The following ABCC11 variants were observed in gnomAD, a reference collection of about 807,000 sequenced individuals.
ABCC11 encodes ATP binding cassette subfamily C member 11.
Under a neutral mutation model 149.3 loss-of-function variants are expected in ABCC11, and 135 were observed. The ratio of observed to expected loss-of-function variants is 0.90; its 90% CI spans 0.79 to 1.04. The LOEUF (loss-of-function observed/expected upper bound fraction) is 1.04, where lower values mean the gene tolerates loss of function less well. ABCC11 is among the 50% of genes least tolerant of loss of function. The pLI is 0.00. For missense variants in ABCC11, 1,680 were observed against 1,722.1 expected, an observed-to-expected ratio of 0.98 and a Z score of 0.43; for synonymous variants, 665 against 671.4, an observed-to-expected ratio of 0.99 and a Z score of 0.15.
intron 11 of ABCC11, chr16:48,209,560 G>A: frequency 6.1e-6 from 1 of 162,652 alleles, no homozygotes; most frequent in Non-Finnish European, 1.3e-5. Context: ...AGCTCAGGCG[G>A]TGATGCTCAC....
At chr16:48,169,149 C>A (rs1965531415) in intron 28 of ABCC11, among the ~76,000 whole-genome samples, 1 of 152,126 alleles carries the variant, frequency 6.6e-6, no homozygotes, top group African/African-American at 2.4e-5. Context: ...GTACTGCATC[C>A]AAGTTTTTAA....
chr16:48,181,757 C>A (rs1421934058), intron 23 of ABCC11, among the ~76,000 whole-genome samples: 1 of 152,154 alleles, frequency 6.6e-6, no homozygotes, highest in Admixed American at 6.5e-5. Context: ...ACTATAGGCA[C>A]CTGCCACCAC....
At chr16:48,219,797 A>G (rs1969611193) in intron 6 of ABCC11, among the ~76,000 whole-genome samples, 1 of 152,158 alleles carries the variant, frequency 6.6e-6, no homozygotes, top group South Asian at 2.1e-4. Flanking sequence ...CCTGGCCAAC[A>G]TGGTGAAACC....
In ABCC11 at chr16:48,221,446, T is replaced by TA. The variant is rs879900375; in HGVS notation, c.777+1151dup. On this transcript the variant is annotated intron_variant, in intron 6 of 29. Coordinates refer to ENST00000356608, the MANE Select transcript of ABCC11 (RefSeq NM_001370497.1). ...GTCAATGGTTGTTTGTGTTATGCTG[T>TA]AAAAAAAAAAAAAGCAAGAGTAAGA... is the stretch of plus-strand genomic sequence containing the variant. Among the ~76,000 whole-genome samples, 476 of 138,194 alleles carry TA rather than the reference T, an allele frequency of 3.4e-3. 1 individual carries two copies. The highest frequency in any genetic ancestry group is 7.8e-3 in the African/African-American group (292 of 37,558). 90.7% of individuals were successfully genotyped at this position (138,194 alleles called of 152,430 possible). A position where few individuals can be genotyped will look rare whatever the true frequency, so the allele number is the denominator to read the frequency against.
At chr16:48,210,451 T>C (rs1238357849) in intron 11 of ABCC11, 3 of 155,978 alleles carry the variant, frequency 1.9e-5, no homozygotes, top group African/African-American at 7.2e-5. Flanking sequence ...CTATTCTATA[T>C]CAATTATTAT....
At chr16:48,228,049 G>C in intron 3 of ABCC11, 85 bp from the exon 4 acceptor site, 1 of 1,185,090 alleles carries the variant, frequency 8.4e-7, no homozygotes, top group Non-Finnish European at 1.1e-6. Flanking sequence ...AACACAACGA[G>C]GTTACCCAGA....
chr16:48,177,149 A>ATCAT (rs774915707), intron 24 of ABCC11, 36 bp from the exon 25 acceptor site: 3 of 1,593,050 alleles, frequency 1.9e-6, no homozygotes, highest in East Asian at 4.5e-5. Context: ...ATCAATAGTT[A>ATCAT]TCATCTATCT....
chr16:48,216,864 C>T (rs987516595), intron 6 of ABCC11, among the ~76,000 whole-genome samples: 2 of 152,166 alleles, frequency 1.3e-5, no homozygotes, highest in African/African-American at 4.8e-5. Flanking sequence ...TACTAATTCC[C>T]TGTGAATTTG....
intron 11 of ABCC11, chr16:48,209,446 T>G (rs1456094785): frequency 6.6e-6 from 1 of 152,238 alleles, no homozygotes; most frequent in East Asian, 1.9e-4. Context: ...TCAGGCAAGA[T>G]TCTCATAAGG....
In ABCC11 at chr16:48,167,756, C is replaced by G. The variant is rs1344224464; in HGVS notation, c.3892-96G>C. 6 of 1,346,568 alleles carry G rather than the reference C, an allele frequency of 4.5e-6. No individual in the cohort carries two copies. The East Asian group carries it at 1.4e-4, about 31-fold the overall frequency. The allele number at this position is 1,346,568 out of a possible 1,614,324, so 83.4% of individuals were successfully genotyped here. ...CCACTAATTCACCAGGGCCCTTCCT[C>G]TCCAGGTCTCCATTTCTTTAGCTGG... On this transcript the variant is annotated intron_variant, in intron 28 of 29. Transcript: ENST00000356608.
chr16:48,244,310 T>G (rs1971201958), intron 1 of ABCC11: 5 of 1,102,666 alleles, frequency 4.5e-6, no homozygotes, highest in South Asian at 1.7e-5. Flanking sequence ...GGGTCTGAGG[T>G]TTGGTGACTG....
chr16:48,192,771 C>T, intron 19 of ABCC11, 54 bp from the exon 20 acceptor site: 2 of 1,571,674 alleles, frequency 1.3e-6, no homozygotes, highest in Middle Eastern at 1.8e-4. Flanking sequence ...AATTCAGTGG[C>T]AGGGAAAGCC....
In ABCC11 at chr16:48,200,813, T is replaced by C. The variant is rs528131538; in HGVS notation, c.1879-334A>G. Among the ~76,000 whole-genome samples the C allele has an allele frequency of 2.6e-5, 4 of 152,318 alleles. No homozygotes were observed. In the East Asian group the frequency reaches 7.7e-4, roughly 29 times the overall value. ...CAAGTTAGATAGAAAGAATAAGTTC[T>C]AATGTTTGATAGCAGAATAGGATGA... is the stretch of plus-strand genomic sequence containing the variant. On this transcript the variant is annotated intron_variant, in intron 14 of 29. Transcript: ENST00000356608.
intron 19 of ABCC11, 53 bp downstream of exon 19, chr16:48,193,826 C>T: frequency 6.8e-7 from 1 of 1,463,272 alleles, no homozygotes; most frequent in Admixed American, 1.8e-5. Flanking sequence ...AAGAAGTCAC[C>T]CCACCTCACT....
At chr16:48,239,561 C>CAAAA (rs756121627) in intron 1 of ABCC11, among the ~76,000 whole-genome samples, 7 of 47,174 alleles carry the variant, frequency 1.5e-4, no homozygotes, top group Non-Finnish European at 2.3e-4. Flanking sequence ...GACTGTGTCA[C>CAAAA]AAAAAAAAAA....
Position 48,230,443 on chromosome 16 carries a change from T to C in ABCC11, c.230A>G (p.Lys77Arg), listed in dbSNP as rs144460593. The C allele has an allele frequency of 1.2e-5, 19 of 1,606,068 alleles. No individual in the cohort carries two copies. Among genetic ancestry groups the C allele is most frequent in the African/African-American group, 2.7e-5 (2 of 74,572 alleles). ...CACCCCCATCAGGACTCACCTCGGC[T>C]TGGGACGGAAGGGAATCATGGTTCT... ...ALRTMIPFRP[K>R]PRFPAPQPLD... Residue 77 changes from lysine to arginine, a missense_variant, in exon 3 of 30, where the codon AAG becomes AGG. Physicochemically the swap from Lys to Arg is conservative, Grantham distance 26. Coordinates refer to ENST00000356608, the MANE Select transcript of ABCC11 (RefSeq NM_001370497.1).
chr16:48,244,427 C>T, intron 1 of ABCC11: 1 of 1,586,012 alleles, frequency 6.3e-7, no homozygotes, highest in East Asian at 2.4e-5. Flanking sequence ...CCAGTCGCCT[C>T]CCGCTGCTGC....
In ABCC11 at chr16:48,200,487, C is replaced by G. The variant is rs771253714; in HGVS notation, c.1879-8G>C. ...GAGGCCCCGCTCTCCAATCTGCAGA[C>G]AGGCAGTAAAAGGCACCATGTCCAG... On this transcript the variant is annotated splice_polypyrimidine_tract_variant and splice_region_variant and intron_variant, in intron 14 of 29. Coordinates refer to ENST00000356608, the MANE Select transcript of ABCC11 (RefSeq NM_001370497.1). The G allele has an allele frequency of 6.2e-7, 1 of 1,613,350 alleles. No individual in the cohort carries two copies. The highest frequency in any genetic ancestry group is 1.1e-5 in the South Asian group (1 of 90,956).
chr16:48,216,017 A>C (rs1329516404), intron 7 of ABCC11, 97 bp downstream of exon 7: 3 of 1,324,398 alleles, frequency 2.3e-6, no homozygotes, highest in African/African-American at 3.0e-5. Context: ...TTGAAAGGTC[A>C]ACAAGAATCA....
Sources: gnomAD v4.1 joint callset for allele counts (sites outside exome capture counted in the v4.1 genomes callset) on GRCh38, gnomAD v4.1.1 for gene constraint, MANE v1.5 for transcripts, NCBI Gene and HGNC (gene_info 2026-07-23, HGNC 2026-07-21) for gene names.